The following SLC6A12 variants were observed in gnomAD, a reference collection of about 807,000 sequenced individuals.
SLC6A12 encodes the protein solute carrier family 6 member 12, also known as sodium- and chloride-dependent betaine transporter.
A neutral mutation model predicts 73.3 loss-of-function variants in SLC6A12; 50 were observed. That is an observed-to-expected ratio of 0.68 (90% CI 0.54 to 0.86). The LOEUF (loss-of-function observed/expected upper bound fraction) is 0.86, where lower values mean the gene tolerates loss of function less well. SLC6A12 is among the 40% of genes least tolerant of loss of function. SLC6A12 has a pLI of 0.00. For missense variants in SLC6A12, 648 were observed against 772.8 expected, an observed-to-expected ratio of 0.84 and a Z score of 1.92; for synonymous variants, 304 against 309.2, an observed-to-expected ratio of 0.98 and a Z score of 0.18.
downstream of SLC6A12, among the ~76,000 whole-genome samples, chr12:187,413 G>A (rs535979280): frequency 2.0e-5 from 3 of 151,568 alleles, no homozygotes; most frequent in African/African-American, 7.3e-5. Context: ...GCGGACCTTC[G>A]CGATGAGTGC....
chr12:199,486 G>A (rs573888106), intron 7 of SLC6A12, among the ~76,000 whole-genome samples: 1 of 152,300 alleles, frequency 6.6e-6, no homozygotes, highest in South Asian at 2.1e-4. Flanking sequence ...TAATGGTTGG[G>A]GGAGCAGCGG....
Position 197,402 on chromosome 12 carries a change from C to T in SLC6A12, c.1050G>A (p.Val350=). The change falls in exon 10 of 16, where the codon GTG becomes GTA. Residue 350 remains valine, a synonymous_variant. Coordinates refer to ENST00000684302, the MANE Select transcript of SLC6A12 (RefSeq NM_001122848.3). ...ILGFMSQEQG[V]PISEVAESGP... is the part of the protein sequence containing the mutation. The stretch of plus-strand genomic sequence containing the variant: ...CTGACTCGGCCACTTCAGAAATGGG[C>T]ACCCCTTGCTCTTGGGACATGAAGC... 1 of 1,613,652 alleles carries T rather than the reference C, an allele frequency of 6.2e-7. No homozygotes were observed. Among genetic ancestry groups the T allele is most frequent in the Non-Finnish European group, 8.5e-7 (1 of 1,179,790 alleles).
Position 192,833 on chromosome 12 carries a change from C to T in SLC6A12, c.1531-185G>A, listed in dbSNP as rs377055151. On this transcript the variant is annotated intron_variant, in intron 14 of 15. Coordinates refer to ENST00000684302, the MANE Select transcript of SLC6A12 (RefSeq NM_001122848.3). ...TCACATCACAGACGGAGACAGGAGG[C>T]GATACAAAGGAAGGGAGGGGCTCGG... Among the ~76,000 whole-genome samples, 30 of 147,724 alleles carry T rather than the reference C, an allele frequency of 2.0e-4. 3 individuals are homozygous for T. The highest frequency in any genetic ancestry group is 9.5e-4 in the Admixed American group (14 of 14,766).
downstream of SLC6A12, among the ~76,000 whole-genome samples, chr12:187,401 C>A (rs565400439): frequency 1.3e-5 from 2 of 152,018 alleles, no homozygotes; most frequent in South Asian, 4.2e-4. Flanking sequence ...CGGAGTGAAA[C>A]TGCGGACCTT....
rs1264932007 is a variant in SLC6A12 at position 193,319 on chromosome 12, C to T, written c.1488G>A (p.Leu496=). 6.2e-7 allele frequency: 1 copy of T among 1,614,104 alleles called. No individual in the cohort carries two copies. Among genetic ancestry groups the T allele is most frequent in the Non-Finnish European group, 8.5e-7 (1 of 1,179,976 alleles). The change falls in exon 14 of 16, where the codon CTG becomes CTA. Residue 496 remains leucine (L), a synonymous_variant. Coordinates refer to ENST00000684302, the MANE Select transcript of SLC6A12 (RefSeq NM_001122848.3). ...TCAGGAAGAGCCAGGAGATCTTCAC[C>T]AGGGGCCATGGCCGGTAGCCAATCA... is the stretch of plus-strand genomic sequence containing the variant. The part of the protein sequence containing the change: ...EDMIGYRPWP[L]VKISWLFLTP...
chr12:193,736 G>A (rs987917109), intron 13 of SLC6A12, among the ~76,000 whole-genome samples: 1 of 152,208 alleles, frequency 6.6e-6, no homozygotes, highest in African/African-American at 2.4e-5. Context: ...TAGCAGAGAT[G>A]AATTTGGTTC....
chr12:200,868 G>A, intron 6 of SLC6A12, 85 bp from the exon 7 acceptor site: 1 of 1,425,188 alleles, frequency 7.0e-7, no homozygotes, highest in Non-Finnish European at 9.6e-7. Context: ...GATTCTCAGA[G>A]CTGACCCCAC....
intron 3 of SLC6A12, among the ~76,000 whole-genome samples, chr12:206,184 C>T (rs1333320364): frequency 4.6e-5 from 7 of 152,190 alleles, no homozygotes; most frequent in African/African-American, 1.7e-4. Flanking sequence ...ATCTCCAGAG[C>T]TTTTTCATCA....
chr12:200,488 G>T (rs965866800), intron 7 of SLC6A12, among the ~76,000 whole-genome samples, 163 bp downstream of exon 7: 3 of 152,148 alleles, frequency 2.0e-5, no homozygotes, highest in Non-Finnish European at 4.4e-5. Flanking sequence ...GCTAAGCTCC[G>T]CCTTCCTGTG....
chr12:210,204 C>G lies in SLC6A12; in HGVS notation c.-57-161G>C, dbSNP rs976383963. The G allele has an allele frequency of 2.5e-6, 3 of 1,192,282 alleles. No individual in the cohort carries two copies. In the African/African-American group the frequency reaches 4.6e-5, roughly 18 times the overall value. The allele number at this position is 1,192,282 out of a possible 1,614,324, so 73.9% of individuals were successfully genotyped here. On this transcript the variant is annotated intron_variant, in intron 2 of 15. Transcript: ENST00000684302. Reference sequence around the variant, plus strand: ...TCGTTCTCGTAACTGTAAGAGCAAACCTTAGTTTTCTGAGTTTGCAGATGA... The same window carrying G: ...TCGTTCTCGTAACTGTAAGAGCAAAGCTTAGTTTTCTGAGTTTGCAGATGA...
chr12:209,560 C>A, intron 3 of SLC6A12: 1 of 597,214 alleles, frequency 1.7e-6, no homozygotes, highest in Non-Finnish European at 3.0e-6. Context: ...TGCCCAGTTT[C>A]ATCTTCACCG....
chr12:191,067 C>T lies in SLC6A12; in HGVS notation c.*1G>A. On this transcript the variant is annotated 3_prime_UTR_variant, in exon 16 of 16. Coordinates refer to ENST00000684302, the MANE Select transcript of SLC6A12 (RefSeq NM_001122848.3). The stretch of plus-strand genomic sequence containing the variant: ...GGAGCCGCCTGGCCTCTGGCCACAC[C>T]CTACAAATGGGTCTCCTTCTCCCCG... 2.3e-6 allele frequency: 3 copies of T among 1,317,516 alleles called. No homozygotes were observed. Among genetic ancestry groups the T allele is most frequent in the African/African-American group, 3.0e-5 (2 of 66,622 alleles). 81.6% of individuals were successfully genotyped at this position (1,317,516 alleles called of 1,614,324 possible).
At chr12:192,454 G>C in intron 15 of SLC6A12, 24 bp downstream of exon 15, 1 of 1,611,056 alleles carries the variant, frequency 6.2e-7, no homozygotes, top group Non-Finnish European at 8.5e-7. Context: ...CCTTTAAGAG[G>C]TCACTCTCCC....
At chr12:184,868 G>A in the SLC6A12 span, among the ~76,000 whole-genome samples, 13 of 152,184 alleles carry the variant, frequency 8.5e-5, no homozygotes, top group African/African-American at 2.6e-4. Flanking sequence ...AGGAGGCAGA[G>A]GTTGTAGTGA....
In SLC6A12 at chr12:196,110, C is replaced by T. The variant is rs554818292; in HGVS notation, c.1326+14G>A. 43 of 1,551,664 alleles carry T rather than the reference C, an allele frequency of 2.8e-5. No homozygotes were observed. Among genetic ancestry groups the T allele is most frequent in the South Asian group, 2.5e-4 (21 of 84,172 alleles). On this transcript the variant is annotated intron_variant, in intron 12 of 15. Coordinates refer to ENST00000684302, the MANE Select transcript of SLC6A12 (RefSeq NM_001122848.3). ...CCCTGGAGCCTGGCCTGCAGGCCGGCGGCCGCAGCTCACCTCGGTGACCAG... is the reference window on the plus strand; with the variant it reads ...CCCTGGAGCCTGGCCTGCAGGCCGGTGGCCGCAGCTCACCTCGGTGACCAG...
chr12:185,594 C>G (rs1939417005), downstream of SLC6A12, among the ~76,000 whole-genome samples: 1 of 152,230 alleles, frequency 6.6e-6, no homozygotes, highest in South Asian at 2.1e-4. Flanking sequence ...ATGCACTGAC[C>G]CTGTGGATGG....
intron 12 of SLC6A12, 108 bp downstream of exon 12, chr12:196,016 C>T (rs765365190): frequency 2.8e-6 from 3 of 1,060,390 alleles, no homozygotes; most frequent in Non-Finnish European, 4.1e-6. Flanking sequence ...CAGGCGTTCA[C>T]ACCCCTCGTC....
At position 193,310 on chromosome 12, in the gene SLC6A12, G is replaced by C; in HGVS notation, c.1497C>G (p.Ile499Met). The change falls in exon 14 of 16, where the codon ATC (isoleucine) becomes ATG (methionine). Residue 499 changes from isoleucine to methionine, a missense_variant. Physicochemically the swap from Ile to Met is conservative, Grantham distance 10. Coordinates refer to ENST00000684302, the MANE Select transcript of SLC6A12 (RefSeq NM_001122848.3). ...IGYRPWPLVK[I>M]SWLFLTPGLC... is the part of the protein sequence containing the mutation. The stretch of plus-strand genomic sequence containing the variant: ...GTCCAGGGGTCAGGAAGAGCCAGGA[G>C]ATCTTCACCAGGGGCCATGGCCGGT... 1.2e-6 allele frequency: 2 copies of C among 1,613,994 alleles called. No individual in the cohort carries two copies. The highest frequency in any genetic ancestry group is 1.7e-6 in the Non-Finnish European group (2 of 1,179,872).
chr12:208,974 G>C (rs912669028), intron 3 of SLC6A12, among the ~76,000 whole-genome samples: 4 of 152,164 alleles, frequency 2.6e-5, no homozygotes, highest in Admixed American at 6.5e-5. Flanking sequence ...ATCTCAGTCA[G>C]AACAGAGCCT....
Sources: gnomAD v4.1 joint callset for allele counts (sites outside exome capture counted in the v4.1 genomes callset) on GRCh38, gnomAD v4.1.1 for gene constraint, MANE v1.5 for transcripts, NCBI Gene and HGNC (gene_info 2026-07-23, HGNC 2026-07-21) for gene names.